The following MCM8 variants were observed in gnomAD, a reference collection of about 807,000 sequenced individuals.
The protein encoded by MCM8 is DNA helicase MCM8.
A neutral mutation model predicts 98.9 loss-of-function variants in MCM8; 85 were observed. That is an observed-to-expected ratio of 0.86 (90% CI 0.72 to 1.03). The LOEUF (loss-of-function observed/expected upper bound fraction) is 1.03. MCM8 is among the 50% of genes least tolerant of loss of function. The probability of loss-of-function intolerance (pLI) is 0.00; values close to 1 mark genes in which losing one functional copy is unlikely to be tolerated. For synonymous variants in MCM8, 352 were observed against 338.6 expected (o/e 1.04, Z -0.44); for missense variants, 951 against 997.8 (o/e 0.95, Z 0.63).
At position 5,952,534 on chromosome 20, in the gene MCM8, G is replaced by A. The variant is rs370357421; in HGVS notation, c.253+6G>A. 3.1e-6 allele frequency: 5 copies of A among 1,607,396 alleles called. No homozygotes were observed. The highest frequency in any genetic ancestry group is 1.7e-5 in the Admixed American group (1 of 59,392). ...GAAGCTTTATTTCTCTGAAGGTAGG[G>A]TTTAAAAAGTACAAAAAAGCACCAT... is the stretch of plus-strand genomic sequence containing the variant. On this transcript the variant is annotated splice_donor_region_variant and intron_variant, in intron 3 of 18. Transcript: ENST00000610722.
intron 16 of MCM8, among the ~76,000 whole-genome samples, chr20:5,986,724 TCTC>T (rs1240462837): frequency 6.6e-6 from 1 of 152,192 alleles, no homozygotes; most frequent in Non-Finnish European, 1.5e-5. Flanking sequence ...CATCATCAAA[TCTC>T]CTGAAATGAT....
intron 10 of MCM8, among the ~76,000 whole-genome samples, chr20:5,970,004 T>TC (rs1568582009): frequency 1.3e-5 from 2 of 152,302 alleles, no homozygotes; most frequent in African/African-American, 4.8e-5. Flanking sequence ...GTTTGCTTTT[T>TC]CCCCCTCCAT....
chr20:5,986,179 G>A (rs766456284), intron 16 of MCM8, 48 bp downstream of exon 16: 17 of 1,554,654 alleles, frequency 1.1e-5, no homozygotes, highest in Admixed American at 5.0e-5. Flanking sequence ...AAGGGGAAGG[G>A]TGTGCCTTGA....
At chr20:5,954,147 T>TAA in intron 3 of MCM8, among the ~76,000 whole-genome samples, 1 of 145,944 alleles carries the variant, frequency 6.9e-6, no homozygotes, top group African/African-American at 2.5e-5. Context: ...TTTAGAGTGT[T>TAA]AAAAAAAAAA....
At chr20:5,959,047 T>C (rs1325270727) in intron 7 of MCM8, among the ~76,000 whole-genome samples, 1 of 152,204 alleles carries the variant, frequency 6.6e-6, no homozygotes, top group Admixed American at 6.5e-5. Flanking sequence ...TATTATAATA[T>C]GCATCCCTTC....
At chr20:5,991,281 G>C (rs1199813012) in intron 17 of MCM8, 2 of 152,128 alleles carry the variant, frequency 1.3e-5, no homozygotes, top group Non-Finnish European at 2.9e-5. Context: ...CCCATTTATG[G>C]TTGGTTATAC....
intron 6 of MCM8, 109 bp from the exon 7 acceptor site, chr20:5,958,419 T>C (rs1167429992): frequency 2.6e-6 from 2 of 780,712 alleles, no homozygotes; most frequent in Non-Finnish European, 4.2e-6. Flanking sequence ...ATTTCTGATA[T>C]ATCGAAGGGA....
Position 5,977,985 on chromosome 20 carries a change from TG to T in MCM8, c.1507del (p.Glu503LysfsTer75). 10 of 1,614,248 alleles carry T rather than the reference TG, an allele frequency of 6.2e-6. No homozygotes were observed. The highest frequency in any genetic ancestry group is 8.5e-6 in the Non-Finnish European group (10 of 1,180,036). ...SKDSSSGDFA[L>X]EAGALVLGDQ... ...GATAGTTCCTCTGGAGATTTTGCTT[TG>T]GAAGCTGGTGCCCTGGTACTTGGTG... is the stretch of plus-strand genomic sequence containing the variant. On this transcript the variant is annotated frameshift_variant, in exon 13 of 19. Transcript: ENST00000610722. LOFTEE classifies it high-confidence loss of function.
At chr20:5,968,835 T>C (rs2089337645) in intron 10 of MCM8, among the ~76,000 whole-genome samples, 1 of 152,264 alleles carries the variant, frequency 6.6e-6, no homozygotes, top group African/African-American at 2.4e-5. Context: ...CAATTAGTTC[T>C]GTGTAGGGTG....
chr20:5,951,324 G>A (rs949401697), intron 1 of MCM8, among the ~76,000 whole-genome samples: 8 of 152,134 alleles, frequency 5.3e-5, no homozygotes, highest in African/African-American at 1.9e-4. Context: ...AATTATTGGA[G>A]CCCTGTCATG....
chr20:5,952,468 A>T lies in MCM8; in HGVS notation c.193A>T (p.Met65Leu), dbSNP rs370378788. The change falls in exon 3 of 19, where the codon ATG becomes TTG. Residue 65 changes from methionine to leucine, a missense_variant. Met to Leu is a conservative substitution (Grantham distance 15). Transcript: ENST00000610722. The stretch of plus-strand genomic sequence containing the variant: ...GCTTTCAACAAAGACCCCACAGTCA[A>T]TGCAGTCAACATTGGATCGATTCAT... ...FLLSTKTPQS[M>L]QSTLDRFIPY... 4.6e-5 allele frequency: 74 copies of T among 1,614,024 alleles called. 1 individual carries two copies. The Admixed American group carries it at 1.2e-3, about 27-fold the overall frequency.
chr20:5,982,847 T>G, intron 13 of MCM8, 123 bp from the exon 14 acceptor site: 1 of 805,434 alleles, frequency 1.2e-6, no homozygotes. Context: ...TTGTATGACA[T>G]TTTATAATTT....
chr20:5,980,564 A>G (rs1037614255), intron 13 of MCM8, among the ~76,000 whole-genome samples: 30 of 152,188 alleles, frequency 2.0e-4, no homozygotes, highest in African/African-American at 6.8e-4. Flanking sequence ...AAACCATGCA[A>G]CTTCATTAAC....
chr20:5,963,525 C>CTTT (rs34718923), intron 8 of MCM8, among the ~76,000 whole-genome samples, 166 bp downstream of exon 8: 51 of 110,424 alleles, frequency 4.6e-4, no homozygotes, highest in Non-Finnish European at 7.2e-4. Flanking sequence ...TAAAATAATT[C>CTTT]TTTTTTTTTT....
At chr20:5,957,305 TA>T in intron 6 of MCM8, 76 bp downstream of exon 6, 3 of 1,079,010 alleles carry the variant, frequency 2.8e-6, no homozygotes, top group Non-Finnish European at 1.4e-6. Context: ...ACGCTCATTT[TA>T]TAAAAATGAG....
chr20:5,986,725 C>G (rs760576906), intron 16 of MCM8, among the ~76,000 whole-genome samples: 4 of 152,198 alleles, frequency 2.6e-5, no homozygotes, highest in African/African-American at 2.4e-5. Flanking sequence ...ATCATCAAAT[C>G]TCCTGAAATG....
chr20:5,971,339 G>T (rs1456333445), intron 10 of MCM8, among the ~76,000 whole-genome samples: 3 of 152,214 alleles, frequency 2.0e-5, no homozygotes, highest in African/African-American at 7.2e-5. Context: ...TCATCTGCAT[G>T]ATAAAACTTT....
chr20:5,963,235 TATCAAA>T (rs2089192267), intron 7 of MCM8, 33 bp from the exon 8 acceptor site: 1 of 1,462,964 alleles, frequency 6.8e-7, no homozygotes, highest in Admixed American at 1.7e-5. Context: ...GATTATAGTT[TATCAAA>T]ATCTGAATGT....
At chr20:5,972,133 A>T (rs1012934485) in intron 11 of MCM8, 96 bp downstream of exon 11, 2 of 822,576 alleles carry the variant, frequency 2.4e-6, no homozygotes, top group African/African-American at 3.5e-5. Flanking sequence ...TCTATTGGCC[A>T]GTTATTTATA....
Sources: allele counts gnomAD v4.1 joint callset (sites outside exome capture counted in the v4.1 genomes callset), GRCh38; gene constraint gnomAD v4.1.1; transcripts MANE v1.5; gene names NCBI Gene and HGNC (gene_info 2026-07-23, HGNC 2026-07-21).